RTN4RL1: variants seen among roughly 807,000 people sequenced by gnomAD.
RTN4RL1 encodes the protein reticulon-4 receptor-like 1.
Under a neutral mutation model 25.6 loss-of-function variants are expected in RTN4RL1, and 7 were observed. The ratio of observed to expected loss-of-function variants is 0.27; its 90% CI spans 0.16 to 0.51. RTN4RL1 has a LOEUF of 0.51. Among genes scored for constraint, RTN4RL1 ranks in the 20% least tolerant of loss-of-function variants. The pLI, the probability that RTN4RL1 is intolerant of heterozygous loss-of-function variation, is 0.97. For missense variants in RTN4RL1, 500 were observed against 615.6 expected (o/e 0.81, Z 1.99); for synonymous variants, 297 against 288.2 (o/e 1.03, Z -0.31).
chr17:1,937,001 C>T lies in RTN4RL1; in HGVS notation c.821G>A (p.Arg274Gln), dbSNP rs769407342. ...ACAGGGGACAGCGGAGCTGGAGCCCCGGAACCTCTGCAGCCATTCCCACAG... is the reference window on the plus strand; with the variant it reads ...ACAGGGGACAGCGGAGCTGGAGCCCTGGAACCTCTGCAGCCATTCCCACAG... ...RSLWEWLQRF[R>Q]GSSSAVPCVS... is the part of the protein sequence containing the mutation. The change falls in exon 2 of 2, where the codon CGG becomes CAG. Residue 274 changes from arginine (R) to glutamine (Q), a missense_variant. Coordinates refer to ENST00000331238, the MANE Select transcript of RTN4RL1 (RefSeq NM_178568.4). 8.7e-6 allele frequency: 14 copies of T among 1,604,276 alleles called. No individual in the cohort carries two copies. Among genetic ancestry groups the T allele is most frequent in the Middle Eastern group, 1.7e-4 (1 of 5,982 alleles).
chr17:2,005,374 C>G (rs749811234), intron 1 of RTN4RL1, among the ~76,000 whole-genome samples: 8 of 152,142 alleles, frequency 5.3e-5, no homozygotes, highest in Non-Finnish European at 1.0e-4. Context: ...TGTTATTAGG[C>G]CCATTTTACA....
chr17:1,956,738 CTTTTTTTTTTT>C (rs35830030), intron 1 of RTN4RL1, among the ~76,000 whole-genome samples: 1 of 132,612 alleles, frequency 7.5e-6, no homozygotes, highest in Non-Finnish European at 1.6e-5. Context: ...CTGTCGGGAA[CTTTTTTTTTTT>C]TTTTTTTTTT....
In RTN4RL1 at chr17:1,935,743, A is replaced by AT. The variant is rs1915287546; in HGVS notation, c.*752dup. On this transcript the variant is annotated 3_prime_UTR_variant, in exon 2 of 2. Coordinates refer to ENST00000331238, the MANE Select transcript of RTN4RL1 (RefSeq NM_178568.4). ...TATATATATATATATATATATATAT[A>AT]TATATATATATGTAGAGTGTGAATA... The AT allele has an allele frequency of 3.9e-6, 1 of 258,792 alleles. No individual in the cohort carries two copies. The highest frequency in any genetic ancestry group is 2.5e-5 in the African/African-American group (1 of 40,538). 16.0% of individuals were successfully genotyped at this position (258,792 alleles called of 1,614,324 possible).
intron 1 of RTN4RL1, among the ~76,000 whole-genome samples, chr17:2,003,977 A>G (rs192932646): frequency 1.1e-4 from 16 of 152,296 alleles, no homozygotes; most frequent in Non-Finnish European, 1.9e-4. Flanking sequence ...AGGCTGAGGC[A>G]GGAGAATCAC....
intron 1 of RTN4RL1, among the ~76,000 whole-genome samples, chr17:1,959,378 T>C (rs1446500562): frequency 6.6e-6 from 1 of 152,138 alleles, no homozygotes; most frequent in Non-Finnish European, 1.5e-5. Context: ...CTGGAAACTC[T>C]TTCTTCTCTT....
chr17:2,014,331 T>G (rs1015257739), intron 1 of RTN4RL1, among the ~76,000 whole-genome samples: 4 of 152,032 alleles, frequency 2.6e-5, no homozygotes, highest in Admixed American at 6.6e-5. Context: ...AGTATTATCA[T>G]CGCAACAAGG....
Position 1,974,159 on chromosome 17 carries a change from G to A in RTN4RL1, c.14-36351C>T, listed in dbSNP as rs2066832724. ...AACTTTCCAGCCTGGGCAACAGGGC[G>A]AAACTCCATCTTTACAAAAAAATAC... On this transcript the variant is annotated intron_variant, in intron 1 of 1. Transcript: ENST00000331238. Among the ~76,000 whole-genome samples, 3 of 151,396 alleles carry A rather than the reference G, an allele frequency of 2.0e-5. No homozygotes were observed. The South Asian group carries it at 6.2e-4, about 32-fold the overall frequency.
intron 1 of RTN4RL1, among the ~76,000 whole-genome samples, chr17:1,974,040 GAA>G (rs57063033): frequency 1.5e-4 from 15 of 97,042 alleles, no homozygotes; most frequent in Non-Finnish European, 2.7e-4. Context: ...CTCCGTCTCA[GAA>G]AAAAAAAAAA....
At chr17:1,975,448 G>A (rs2066838881) in intron 1 of RTN4RL1, among the ~76,000 whole-genome samples, 1 of 152,000 alleles carries the variant, frequency 6.6e-6, no homozygotes, top group African/African-American at 2.4e-5. Flanking sequence ...GTCAGGAGTT[G>A]GAGACCAGCC....
intron 1 of RTN4RL1, among the ~76,000 whole-genome samples, chr17:1,949,312 G>T (rs1915628904): frequency 6.8e-6 from 1 of 147,902 alleles, no homozygotes; most frequent in Non-Finnish European, 1.5e-5. Context: ...GGCCAGGCTG[G>T]TCTCCAACTC....
rs764131568 is a variant in RTN4RL1, at chr17:1,936,805, C to T, written c.1017G>A (p.Lys339=). ...CGGGCCGGGGGCCGTGCGGGTGGCC[C>T]TTGCTCCTGGTGGGGCCGTGGGGTG... ...HHSPHGPTRS[K]GHPHGPRPGH... is the part of the protein sequence containing the mutation. Residue 339 remains lysine, a synonymous_variant, in exon 2 of 2, where the codon AAG becomes AAA. Coordinates refer to ENST00000331238, the MANE Select transcript of RTN4RL1 (RefSeq NM_178568.4). 1.8e-4 allele frequency: 282 copies of T among 1,584,094 alleles called. 5 individuals carry two copies. The South Asian group carries it at 3.2e-3, about 18-fold the overall frequency.
At chr17:2,022,340 C>T (rs2067219231) in intron 1 of RTN4RL1, among the ~76,000 whole-genome samples, 3 of 151,850 alleles carry the variant, frequency 2.0e-5, no homozygotes, top group African/African-American at 7.3e-5. Context: ...TTTGTAGAGA[C>T]GAAGTCCCAC....
intron 1 of RTN4RL1, among the ~76,000 whole-genome samples, chr17:1,952,880 C>T (rs951652633): frequency 3.4e-5 from 5 of 147,666 alleles, no homozygotes; most frequent in Non-Finnish European, 6.0e-5. Flanking sequence ...AGTTCAAGAC[C>T]AGCCTGGTCA....
chr17:2,007,977 A>C (rs1160139103), intron 1 of RTN4RL1, among the ~76,000 whole-genome samples: 1 of 147,466 alleles, frequency 6.8e-6, no homozygotes, highest in African/African-American at 2.5e-5. Flanking sequence ...ACAACAACAA[A>C]AAGCTGAGGC....
At chr17:1,967,401 C>CGCCTCG (rs1555518507) in intron 1 of RTN4RL1, among the ~76,000 whole-genome samples, 2 of 152,170 alleles carry the variant, frequency 1.3e-5, no homozygotes, top group Non-Finnish European at 2.9e-5. Flanking sequence ...CTACCCACCA[C>CGCCTCG]GCCTCGCCGT....
At chr17:1,984,948 C>A (rs1233681017) in intron 1 of RTN4RL1, among the ~76,000 whole-genome samples, 1 of 150,606 alleles carries the variant, frequency 6.6e-6, no homozygotes. Flanking sequence ...GCCTGGGCAA[C>A]AAGAGCGAAA....
At chr17:1,971,521 A>G (rs1052534755) in intron 1 of RTN4RL1, among the ~76,000 whole-genome samples, 1 of 152,164 alleles carries the variant, frequency 6.6e-6, no homozygotes, top group East Asian at 1.9e-4. Context: ...TCTGAGCAGG[A>G]AGGTCTAACT....
chr17:1,983,345 C>T (rs1567516441), intron 1 of RTN4RL1, among the ~76,000 whole-genome samples: 1 of 151,692 alleles, frequency 6.6e-6, no homozygotes, highest in Non-Finnish European at 1.5e-5. Flanking sequence ...CACACCTGGC[C>T]GAGACCTCAC....
At chr17:1,976,485 G>C (rs879481834) in intron 1 of RTN4RL1, among the ~76,000 whole-genome samples, 1 of 152,250 alleles carries the variant, frequency 6.6e-6, no homozygotes, top group Non-Finnish European at 1.5e-5. Context: ...AAGTAGTGTT[G>C]GTGCTGCAGA....
Sources: allele counts gnomAD v4.1 joint callset (sites outside exome capture counted in the v4.1 genomes callset), GRCh38; gene constraint gnomAD v4.1.1; transcripts MANE v1.5; gene names NCBI Gene and HGNC (gene_info 2026-07-23, HGNC 2026-07-21).